Variants in ITGA11 observed in about 807,000 individuals in gnomAD.
ITGA11 encodes the protein integrin subunit alpha 11.
In ITGA11, 97 loss-of-function variants were observed where a neutral mutation model predicts 141.9. The ratio of observed to expected loss-of-function variants is 0.68; its 90% CI spans 0.58 to 0.81. The LOEUF is 0.81. Ranked by LOEUF, ITGA11 falls within the 30% of genes least tolerant of loss-of-function variation. ITGA11 has a pLI of 0.00. For synonymous variants in ITGA11, 658 were observed against 624.6 expected (o/e 1.05, Z -0.80); for missense variants, 1,387 against 1,559.2 (o/e 0.89, Z 1.86).
At chr15:68,376,072 T>G (rs1027175813) in intron 2 of ITGA11, among the ~76,000 whole-genome samples, 3 of 152,160 alleles carry the variant, frequency 2.0e-5, no homozygotes, top group African/African-American at 4.8e-5. Flanking sequence ...GAGACACTGA[T>G]GCATGCTTAA....
intron 2 of ITGA11, among the ~76,000 whole-genome samples, chr15:68,375,301 C>T (rs1895700314): frequency 6.6e-6 from 1 of 152,222 alleles, no homozygotes. Flanking sequence ...GGAGGGGTTT[C>T]ACTGGAGGAG....
intron 4 of ITGA11, among the ~76,000 whole-genome samples, chr15:68,363,335 A>G (rs1198197377): frequency 6.6e-6 from 1 of 152,182 alleles, no homozygotes; most frequent in African/African-American, 2.4e-5. Flanking sequence ...GAAATGTGAT[A>G]AGGAGCCTGA....
Position 68,307,551 on chromosome 15 carries a change from TCTTC to T in ITGA11, c.3285+31_3285+34del, listed in dbSNP as rs764571652. 5 of 1,557,704 alleles carry T rather than the reference TCTTC, an allele frequency of 3.2e-6. No homozygotes were observed. In the South Asian group the frequency reaches 4.6e-5, roughly 14 times the overall value. On this transcript the variant is annotated intron_variant, in intron 27 of 29. Coordinates refer to ENST00000315757, the MANE Select transcript of ITGA11 (RefSeq NM_001004439.2). The surrounding 1 kb of genome is among the most constrained non-coding windows in gnomAD (Gnocchi z 6.1). ...ATCCCAACAGCCGCCCCCTTTCCCT[TCTTC>T]CTTCCAGCCCAGCCCAGGGGCTCTA...
chr15:68,311,165 T>C (rs1893368745), intron 25 of ITGA11, 85 bp from the exon 26 acceptor site: 1 of 1,310,818 alleles, frequency 7.6e-7, no homozygotes, highest in East Asian at 2.5e-5. Context: ...AGGTTTCTTT[T>C]CTCCTCCTCT....
intron 10 of ITGA11, among the ~76,000 whole-genome samples, chr15:68,340,516 G>A (rs544056525): frequency 1.3e-5 from 2 of 152,252 alleles, no homozygotes; most frequent in South Asian, 4.1e-4. Flanking sequence ...AGAGAGCCTT[G>A]ACATGAGGCT....
intron 2 of ITGA11, among the ~76,000 whole-genome samples, chr15:68,389,392 T>G (rs1170313079): frequency 6.6e-6 from 1 of 152,184 alleles, no homozygotes; most frequent in African/African-American, 2.4e-5. Context: ...CTCGCTCTCA[T>G]GGGGCCAGCA....
intron 7 of ITGA11, among the ~76,000 whole-genome samples, chr15:68,355,740 C>A (rs1895052788): frequency 6.6e-6 from 1 of 150,696 alleles, no homozygotes; most frequent in Non-Finnish European, 1.5e-5. Context: ...AGCCACCGCA[C>A]CTGGCCTAAA....
At chr15:68,409,228 G>C (rs527238223) in intron 1 of ITGA11, among the ~76,000 whole-genome samples, 2 of 152,266 alleles carry the variant, frequency 1.3e-5, no homozygotes, top group Admixed American at 6.5e-5. Context: ...GGCCTTCAGC[G>C]TGGGCTGCTC....
At position 68,299,791 on chromosome 15, in the gene ITGA11, T is replaced by A. The variant is rs960137013; in HGVS notation, c.*3268A>T. 9 of 152,252 alleles carry A rather than the reference T, an allele frequency of 5.9e-5. No individual in the cohort carries two copies. Among genetic ancestry groups the A allele is most frequent in the Non-Finnish European group, 1.2e-4 (8 of 68,048 alleles). The allele number at this position is 152,252 out of a possible 1,614,324, so 9.4% of individuals were successfully genotyped here. A position where few individuals can be genotyped will look rare whatever the true frequency, so the allele number is the denominator to read the frequency against. ...GGTAGGAATTTATCTTGTGAAGACC[T>A]CTAGGGATGGAAAGGTCCACACTGT... is the stretch of plus-strand genomic sequence containing the variant. On this transcript the variant is annotated 3_prime_UTR_variant, in exon 30 of 30. Coordinates refer to ENST00000315757, the MANE Select transcript of ITGA11 (RefSeq NM_001004439.2).
intron 1 of ITGA11, among the ~76,000 whole-genome samples, chr15:68,410,346 G>A (rs1015287021): frequency 1.3e-5 from 2 of 152,184 alleles, no homozygotes; most frequent in Non-Finnish European, 2.9e-5. Flanking sequence ...GCTGGGATGG[G>A]GTGAGGGAGG....
rs969108452 is a variant in ITGA11, at chr15:68,321,554, C to T, written c.2323-51G>A. 3.1e-6 allele frequency: 4 copies of T among 1,272,730 alleles called. No homozygotes were observed. In the African/African-American group the frequency reaches 6.1e-5, roughly 20 times the overall value. The allele number at this position is 1,272,730 out of a possible 1,614,324, so 78.8% of individuals were successfully genotyped here. A position where few individuals can be genotyped will look rare whatever the true frequency, so the allele number is the denominator to read the frequency against. Reference sequence around the variant, plus strand: ...GCAGCTGGGTAGGGACCCGCAGCCCCTCGCCCTCAATGTACACCAGCTCTG... The same window carrying T: ...GCAGCTGGGTAGGGACCCGCAGCCCTTCGCCCTCAATGTACACCAGCTCTG... On this transcript the variant is annotated intron_variant, in intron 18 of 29. Coordinates refer to ENST00000315757, the MANE Select transcript of ITGA11 (RefSeq NM_001004439.2). This position sits in a 1 kb window ranked among gnomAD's most constrained non-coding sequence, Gnocchi z 4.9.
intron 1 of ITGA11, among the ~76,000 whole-genome samples, chr15:68,405,225 G>C (rs1245063269): frequency 7.6e-6 from 1 of 131,784 alleles, no homozygotes; most frequent in Non-Finnish European, 1.5e-5. Flanking sequence ...TAGAGTCATA[G>C]AATTAAAGTC....
chr15:68,358,388 C>T (rs1331183975), intron 6 of ITGA11, 70 bp downstream of exon 6: 3 of 1,504,298 alleles, frequency 2.0e-6, no homozygotes, highest in South Asian at 1.4e-5. Flanking sequence ...CTCTCTTAGA[C>T]CTAAGGCAGC....
chr15:68,331,775 A>G, intron 14 of ITGA11, 84 bp downstream of exon 14: 2 of 1,190,566 alleles, frequency 1.7e-6, no homozygotes, highest in East Asian at 2.5e-5. Flanking sequence ...AAAATCCTGA[A>G]CCAGATGAGG....
intron 1 of ITGA11, among the ~76,000 whole-genome samples, chr15:68,415,127 CT>C (rs1381386385): frequency 6.6e-6 from 1 of 152,238 alleles, no homozygotes; most frequent in Non-Finnish European, 1.5e-5. Context: ...TCTCTGCTAA[CT>C]TGGCCTTATC....
chr15:68,309,974 A>C (rs557681486), intron 26 of ITGA11, among the ~76,000 whole-genome samples: 30 of 152,340 alleles, frequency 2.0e-4, no homozygotes, highest in Non-Finnish European at 3.7e-4. Flanking sequence ...TAAGATTAGC[A>C]AACCAAAAGA....
Position 68,332,236 on chromosome 15 carries a change from C to G in ITGA11, c.1566+102G>C. The G allele has an allele frequency of 2.1e-6, 3 of 1,397,162 alleles. No individual in the cohort carries two copies. In the South Asian group the frequency reaches 4.0e-5, roughly 19 times the overall value. The allele number at this position is 1,397,162 out of a possible 1,614,324, so 86.5% of individuals were successfully genotyped here. On this transcript the variant is annotated intron_variant, in intron 13 of 29. Transcript: ENST00000315757. ...GCTCTGATTCTCCCCAGGCCTGGCT[C>G]CAGCACTGGCCTCGCTAGTAACGCA...
chr15:68,401,051 T>C (rs1896497121), intron 2 of ITGA11, among the ~76,000 whole-genome samples: 1 of 144,300 alleles, frequency 6.9e-6, no homozygotes, highest in Non-Finnish European at 1.5e-5. Flanking sequence ...GCAAAAGACC[T>C]GATACAGCAT....
intron 21 of ITGA11, among the ~76,000 whole-genome samples, chr15:68,316,327 A>T (rs948691082): frequency 2.6e-5 from 4 of 152,208 alleles, no homozygotes; most frequent in Non-Finnish European, 5.9e-5. Context: ...CGGTGGGGAA[A>T]CATGCGACCC....
Sources: allele counts gnomAD v4.1 joint callset (sites outside exome capture counted in the v4.1 genomes callset), GRCh38; gene constraint gnomAD v4.1.1; non-coding constraint Gnocchi (gnomAD v3.1); transcripts MANE v1.5; gene names NCBI Gene and HGNC (gene_info 2026-07-23, HGNC 2026-07-21).